Variants in PPP2R3A observed in about 807,000 individuals in gnomAD.
PPP2R3A encodes the protein serine/threonine-protein phosphatase 2A regulatory subunit B'' subunit alpha.
In PPP2R3A, 80 loss-of-function variants were observed where a neutral mutation model predicts 106.9. That is an observed-to-expected ratio of 0.75 (90% confidence interval 0.62 to 0.90). The LOEUF (loss-of-function observed/expected upper bound fraction) is 0.90, where lower values mean the gene tolerates loss of function less well. Among genes scored for constraint, PPP2R3A ranks in the 40% least tolerant of loss-of-function variants. The probability of loss-of-function intolerance (pLI) is 0.00; values close to 1 mark genes in which losing one functional copy is unlikely to be tolerated. For synonymous variants in PPP2R3A, 483 were observed against 468.3 expected, an observed-to-expected ratio of 1.03 and a Z score of -0.41; for missense variants, 1,386 against 1,350.4, an observed-to-expected ratio of 1.03 and a Z score of -0.41.
intron 7 of PPP2R3A, 52 bp from the exon 8 acceptor site, chr3:136,082,213 G>A (rs1576488585): frequency 6.8e-7 from 1 of 1,471,222 alleles, no homozygotes; most frequent in South Asian, 1.2e-5. Flanking sequence ...CTGCACAGTG[G>A]CCAAAGCTGC....
At chr3:136,098,768 A>G (rs1937280577) in intron 10 of PPP2R3A, among the ~76,000 whole-genome samples, 1 of 152,224 alleles carries the variant, frequency 6.6e-6, no homozygotes, top group African/African-American at 2.4e-5. Context: ...AGATATACCC[A>G]GCAAAACCTG....
intron 2 of PPP2R3A, among the ~76,000 whole-genome samples, chr3:136,018,194 G>C (rs915506180): frequency 2.0e-5 from 3 of 152,204 alleles, no homozygotes; most frequent in African/African-American, 7.2e-5. Context: ...TTGAGCCAGG[G>C]AGGTGGAGGT....
chr3:136,104,337 G>A (rs896826855), intron 12 of PPP2R3A, among the ~76,000 whole-genome samples: 9 of 148,754 alleles, frequency 6.1e-5, no homozygotes, highest in Admixed American at 2.0e-4. Context: ...ACAGAGTTTC[G>A]CTCTTGTTGC....
intron 1 of PPP2R3A, among the ~76,000 whole-genome samples, chr3:135,977,463 G>T (rs1031656183): frequency 6.6e-6 from 1 of 152,094 alleles, no homozygotes; most frequent in Non-Finnish European, 1.5e-5. Context: ...TGTAATCATT[G>T]TTTATTGTCT....
rs1939119756 is a variant in PPP2R3A, at chr3:136,146,207, T to C, written c.*1041T>C. 1 of 152,250 alleles carries C rather than the reference T, an allele frequency of 6.6e-6. No individual in the cohort carries two copies. The highest frequency in any genetic ancestry group is 2.4e-5 in the African/African-American group (1 of 41,474). 9.4% of individuals were successfully genotyped at this position (152,250 alleles called of 1,614,324 possible). A position where few individuals can be genotyped will look rare whatever the true frequency, so the allele number is the denominator to read the frequency against. ...GCTATAAAAGAAAGCTGTTATTTAC[T>C]GTAGTTGTAGATGTATTCACTACAG... On this transcript the variant is annotated 3_prime_UTR_variant, in exon 14 of 14. Coordinates refer to ENST00000264977, the MANE Select transcript of PPP2R3A (RefSeq NM_002718.5).
intron 3 of PPP2R3A, among the ~76,000 whole-genome samples, chr3:136,038,692 G>T (rs1935163016): frequency 6.6e-6 from 1 of 152,146 alleles, no homozygotes. Flanking sequence ...CCCAGTAGTT[G>T]CCACTAGCCC....
chr3:136,111,682 C>T (rs1937594054), intron 13 of PPP2R3A, among the ~76,000 whole-genome samples: 1 of 151,582 alleles, frequency 6.6e-6, no homozygotes, highest in African/African-American at 2.4e-5. Flanking sequence ...TCAGATAAAA[C>T]CCTGGACTAG....
intron 1 of PPP2R3A, among the ~76,000 whole-genome samples, chr3:135,977,764 A>G (rs977120700): frequency 2.2e-5 from 3 of 133,972 alleles, no homozygotes; most frequent in African/African-American, 6.0e-5. Context: ...CAGTGGTGCA[A>G]TCTCAGCTCA....
intron 6 of PPP2R3A, among the ~76,000 whole-genome samples, chr3:136,076,891 G>A (rs1000183605): frequency 6.6e-6 from 1 of 151,620 alleles, no homozygotes; most frequent in Middle Eastern, 3.2e-3. Flanking sequence ...AGCTTGCAGT[G>A]AGCCGAGATT....
chr3:136,142,617 G>A (rs562043007), intron 13 of PPP2R3A, among the ~76,000 whole-genome samples: 73 of 152,252 alleles, frequency 4.8e-4, no homozygotes, highest in African/African-American at 1.7e-3. Flanking sequence ...CAAAGCCTGT[G>A]CTCTAAGCCT....
At chr3:136,089,867 C>T (rs1385857805) in intron 9 of PPP2R3A, among the ~76,000 whole-genome samples, 1 of 151,890 alleles carries the variant, frequency 6.6e-6, no homozygotes, top group African/African-American at 2.4e-5. Context: ...GTGTGTGTGG[C>T]TATTGTAAAT....
intron 2 of PPP2R3A, among the ~76,000 whole-genome samples, chr3:136,007,516 G>A (rs574754791): frequency 1.1e-3 from 170 of 152,242 alleles, no homozygotes; most frequent in African/African-American, 3.8e-3. Context: ...CCTAAAAAAC[G>A]ACAGTACCCT....
chr3:136,070,666 A>C (rs1433785247), intron 6 of PPP2R3A, 114 bp downstream of exon 6: 5 of 730,042 alleles, frequency 6.8e-6, no homozygotes, highest in Admixed American at 7.7e-5. Context: ...TATAATGATT[A>C]TTTCAAGTGG....
chr3:136,048,517 C>T (rs563034310), intron 4 of PPP2R3A, among the ~76,000 whole-genome samples: 2 of 152,150 alleles, frequency 1.3e-5, no homozygotes, highest in East Asian at 3.9e-4. Context: ...ACTAAAAATA[C>T]AAAAACTAGC....
chr3:136,075,625 GAA>G (rs1393911540), intron 6 of PPP2R3A, among the ~76,000 whole-genome samples: 1 of 152,116 alleles, frequency 6.6e-6, no homozygotes, highest in East Asian at 1.9e-4. Context: ...AATTCAAAAA[GAA>G]GAGGAGAAAA....
At chr3:136,029,663 T>C (rs1296898159) in intron 3 of PPP2R3A, among the ~76,000 whole-genome samples, 1 of 152,158 alleles carries the variant, frequency 6.6e-6, no homozygotes, top group Non-Finnish European at 1.5e-5. Context: ...GATAGAAAAC[T>C]AATTTGTTTA....
intron 10 of PPP2R3A, among the ~76,000 whole-genome samples, chr3:136,095,499 CTG>C (rs1179706711): frequency 6.6e-6 from 1 of 152,144 alleles, no homozygotes; most frequent in African/African-American, 2.4e-5. Flanking sequence ...CTCTAAGAGA[CTG>C]TGCAGCTAGT....
chr3:135,989,177 G>A (rs1305846830), intron 1 of PPP2R3A, among the ~76,000 whole-genome samples: 2 of 152,076 alleles, frequency 1.3e-5, no homozygotes, highest in Non-Finnish European at 1.5e-5. Flanking sequence ...AGCTTCCAAG[G>A]GAACTTTGAC....
At chr3:136,017,072 A>G (rs1934303460) in intron 2 of PPP2R3A, among the ~76,000 whole-genome samples, 1 of 152,166 alleles carries the variant, frequency 6.6e-6, no homozygotes. Context: ...TCTTTCATTT[A>G]TGAAGCTTAG....
Sources: gnomAD v4.1 joint callset for allele counts (sites outside exome capture counted in the v4.1 genomes callset) on GRCh38, gnomAD v4.1.1 for gene constraint, MANE v1.5 for transcripts, NCBI Gene and HGNC (gene_info 2026-07-23, HGNC 2026-07-21) for gene names.